The following C12orf42 variants were observed in gnomAD, a reference collection of about 807,000 sequenced individuals.
C12orf42 encodes chromosome 12 open reading frame 42.
In C12orf42, 25 loss-of-function variants were observed where a neutral mutation model predicts 21.6. That is an observed-to-expected ratio of 1.16 (90% CI 0.84 to 1.62). The LOEUF is 1.62. Ranked by LOEUF, C12orf42 falls within the 40% of genes most tolerant of loss-of-function variation. The pLI is 0.00. For missense variants in C12orf42, 483 were observed against 459.3 expected, an observed-to-expected ratio of 1.05 and a Z score of -0.47; for synonymous variants, 174 against 175.0, an observed-to-expected ratio of 0.99 and a Z score of 0.05.
chr12:103,109,983 A>G, the C12orf42 span, among the ~76,000 whole-genome samples: 1 of 152,170 alleles, frequency 6.6e-6, no homozygotes, highest in Non-Finnish European at 1.5e-5. Context: ...GAGACAATGT[A>G]AGTGCCTCAA....
the C12orf42 span, among the ~76,000 whole-genome samples, chr12:103,534,745 T>C: frequency 6.0e-4 from 91 of 152,268 alleles, 1 homozygote; most frequent in Admixed American, 1.1e-3. Flanking sequence ...GCAGAAGCAT[T>C]AACTGCCCTT....
At chr12:103,195,401 A>T in the C12orf42 span, among the ~76,000 whole-genome samples, 1 of 152,110 alleles carries the variant, frequency 6.6e-6, no homozygotes, top group Admixed American at 6.5e-5. Flanking sequence ...ACTAATTTGC[A>T]TTCCCATCAG....
At chr12:103,222,779 G>A in the C12orf42 span, among the ~76,000 whole-genome samples, 1 of 151,180 alleles carries the variant, frequency 6.6e-6, no homozygotes, top group Admixed American at 6.6e-5. Flanking sequence ...TCTCTGTATG[G>A]ATGGATCTAC....
intron 10 of C12orf42, among the ~76,000 whole-genome samples, chr12:103,256,529 G>C (rs573328837): frequency 1.1e-4 from 16 of 152,000 alleles, no homozygotes; most frequent in African/African-American, 3.1e-4. Context: ...CCCCGTAATA[G>C]CCAACAGTTA....
At chr12:103,342,825 G>A (rs2042277318) in intron 4 of C12orf42, among the ~76,000 whole-genome samples, 1 of 152,098 alleles carries the variant, frequency 6.6e-6, no homozygotes. Context: ...TCCTGACACA[G>A]AGGTCTCCGC....
At chr12:103,229,468 G>A in the C12orf42 span, among the ~76,000 whole-genome samples, 2 of 140,060 alleles carry the variant, frequency 1.4e-5, no homozygotes, top group South Asian at 4.9e-4. Flanking sequence ...AGTAAGCAGG[G>A]ATCGTCAATT....
chr12:103,098,166 G>A, the C12orf42 span, among the ~76,000 whole-genome samples: 2 of 152,298 alleles, frequency 1.3e-5, no homozygotes, highest in South Asian at 2.1e-4. Flanking sequence ...TTATGGTTCC[G>A]CCATGGCCTC....
chr12:103,531,178 T>C, the C12orf42 span, among the ~76,000 whole-genome samples: 2 of 152,292 alleles, frequency 1.3e-5, no homozygotes, highest in East Asian at 3.9e-4. Context: ...GCAATGAAAA[T>C]TGATATATAT....
chr12:103,058,011 A>G, the C12orf42 span, among the ~76,000 whole-genome samples: 20 of 149,630 alleles, frequency 1.3e-4, no homozygotes, highest in African/African-American at 4.9e-4. Context: ...GCTGCAGTGC[A>G]GTGGCATGAT....
At chr12:103,239,400 C>A (rs1171950885) in intron 10 of C12orf42, among the ~76,000 whole-genome samples, 1 of 152,268 alleles carries the variant, frequency 6.6e-6, no homozygotes, top group East Asian at 1.9e-4. Context: ...TCTCTCTGCA[C>A]CACTCTCAGG....
the C12orf42 span, among the ~76,000 whole-genome samples, chr12:103,208,745 G>A: frequency 6.6e-6 from 1 of 152,152 alleles, no homozygotes; most frequent in Non-Finnish European, 1.5e-5. Flanking sequence ...GAGTAGGCTT[G>A]TGTTTTAGGG....
intron 4 of C12orf42, among the ~76,000 whole-genome samples, chr12:103,355,566 C>T (rs1044220184): frequency 3.9e-5 from 6 of 152,050 alleles, no homozygotes; most frequent in African/African-American, 1.4e-4. Flanking sequence ...CCAGTCTCTT[C>T]CTCTACCTCC....
intron 10 of C12orf42, chr12:103,262,527 T>C (rs2034946685): frequency 6.6e-6 from 1 of 152,198 alleles, no homozygotes; most frequent in Non-Finnish European, 1.5e-5. Context: ...CAATGATCAG[T>C]ACTTTTATTT....
chr12:103,457,321 A>T (rs1952366804), intron 2 of C12orf42, among the ~76,000 whole-genome samples: 1 of 152,200 alleles, frequency 6.6e-6, no homozygotes, highest in Non-Finnish European at 1.5e-5. Context: ...GGCAGTTAGT[A>T]AAAGAAGCTA....
chr12:103,405,686 T>C (rs930959974), intron 2 of C12orf42, among the ~76,000 whole-genome samples: 61 of 152,302 alleles, frequency 4.0e-4, no homozygotes, highest in African/African-American at 1.4e-3. Flanking sequence ...GTGTCAACTA[T>C]GCTGAAAGCA....
intron 2 of C12orf42, among the ~76,000 whole-genome samples, chr12:103,469,064 C>T (rs1050098550): frequency 6.6e-6 from 1 of 152,212 alleles, no homozygotes; most frequent in African/African-American, 2.4e-5. Context: ...TCCTGGCTCA[C>T]ACCTGACCTC....
At chr12:103,204,158 T>G in the C12orf42 span, among the ~76,000 whole-genome samples, 2 of 152,268 alleles carry the variant, frequency 1.3e-5, no homozygotes, top group East Asian at 3.9e-4. Flanking sequence ...TTGAAATACG[T>G]CAGGGTCAAA....
intron 4 of C12orf42, chr12:103,368,085 C>T (rs896244992): frequency 1.6e-6 from 2 of 1,283,540 alleles, no homozygotes; most frequent in Non-Finnish European, 2.0e-6. Context: ...TAAATATATC[C>T]TTTCAGGTCA....
At chr12:103,058,538 C>T in the C12orf42 span, among the ~76,000 whole-genome samples, 6 of 152,292 alleles carry the variant, frequency 3.9e-5, no homozygotes, top group African/African-American at 1.4e-4. Context: ...ATACATTCTT[C>T]TCAGTGCCAC....
Sources: allele counts gnomAD v4.1 joint callset (sites outside exome capture counted in the v4.1 genomes callset), GRCh38; gene constraint gnomAD v4.1.1; transcripts MANE v1.5; gene names NCBI Gene and HGNC (gene_info 2026-07-23, HGNC 2026-07-21).